The following TBC1D5 variants were observed in gnomAD, a reference collection of about 807,000 sequenced individuals.
TBC1D5 encodes the protein TBC1 domain family member 5, also known as TBC1 domain family, member 5.
A neutral mutation model predicts 100.3 loss-of-function variants in TBC1D5; 75 were observed. That is an observed-to-expected ratio of 0.75 (90% CI 0.62 to 0.91). The LOEUF (loss-of-function observed/expected upper bound fraction) is 0.91, where lower values mean the gene tolerates loss of function less well. Ranked by LOEUF, TBC1D5 falls within the 40% of genes least tolerant of loss-of-function variation. The pLI, the probability that TBC1D5 is intolerant of heterozygous loss-of-function variation, is 0.00. For synonymous variants in TBC1D5, 323 were observed against 325.6 expected (o/e 0.99, Z 0.09); for missense variants, 910 against 942.4 (o/e 0.97, Z 0.45).
intron 3 of TBC1D5, among the ~76,000 whole-genome samples, chr3:17,466,918 A>C (rs2095310232): frequency 1.3e-5 from 2 of 152,262 alleles, no homozygotes; most frequent in Admixed American, 1.3e-4. Flanking sequence ...TAAAAACAGG[A>C]TGAAAATAAT....
At chr3:17,618,907 C>T (rs1448699619) in intron 2 of TBC1D5, among the ~76,000 whole-genome samples, 3 of 152,184 alleles carry the variant, frequency 2.0e-5, no homozygotes, top group Admixed American at 2.0e-4. Flanking sequence ...ATGGGCTGCA[C>T]CCACTGTCCA....
intron 13 of TBC1D5, among the ~76,000 whole-genome samples, chr3:17,329,949 T>C (rs890313408): frequency 6.6e-6 from 1 of 152,226 alleles, no homozygotes; most frequent in African/African-American, 2.4e-5. Context: ...AACTTAAGAA[T>C]ATTAGCAGGC....
intron 8 of TBC1D5, among the ~76,000 whole-genome samples, chr3:17,399,649 A>C (rs2093597488): frequency 6.6e-6 from 1 of 152,036 alleles, no homozygotes; most frequent in Non-Finnish European, 1.5e-5. Flanking sequence ...GTATCATGCC[A>C]CTGCTCAATG....
chr3:17,575,792 A>G (rs2096654065), intron 2 of TBC1D5, among the ~76,000 whole-genome samples: 1 of 152,168 alleles, frequency 6.6e-6, no homozygotes, highest in South Asian at 2.1e-4. Flanking sequence ...AGAATGAACT[A>G]AAAGAAAATA....
chr3:17,450,169 C>T (rs1276047427), intron 3 of TBC1D5, among the ~76,000 whole-genome samples: 2 of 152,164 alleles, frequency 1.3e-5, no homozygotes, highest in Non-Finnish European at 2.9e-5. Context: ...AACTAACAAA[C>T]AGAAAGCTAT....
Position 17,459,439 on chromosome 3 carries a change from C to T in TBC1D5, c.98-30920G>A, listed in dbSNP as rs990022503. On this transcript the variant is annotated intron_variant, in intron 3 of 21. Coordinates refer to ENST00000253692, the Ensembl canonical transcript of TBC1D5. Reference sequence around the variant, plus strand: ...CTGGTAGTGATGCTCACTTGTCTGTCGCTCACCTCTGGCTGTGACCGGTTC... The same window carrying T: ...CTGGTAGTGATGCTCACTTGTCTGTTGCTCACCTCTGGCTGTGACCGGTTC... Among the ~76,000 whole-genome samples the T allele has an allele frequency of 5.3e-5, 8 of 152,226 alleles. No homozygotes were observed. In the East Asian group the frequency reaches 5.8e-4, roughly 11 times the overall value.
At chr3:17,709,955 C>T (rs2074557163) in intron 1 of TBC1D5, among the ~76,000 whole-genome samples, 1 of 152,160 alleles carries the variant, frequency 6.6e-6, no homozygotes, top group African/African-American at 2.4e-5. Flanking sequence ...GGAAAAGTAT[C>T]TGTCCTCTCG....
At chr3:17,239,403 GA>G (rs1310194160) in intron 16 of TBC1D5, among the ~76,000 whole-genome samples, 1 of 152,090 alleles carries the variant, frequency 6.6e-6, no homozygotes, top group Non-Finnish European at 1.5e-5. Flanking sequence ...CAACCATGGT[GA>G]GTATATGTAT....
chr3:17,582,853 G>T (rs969760082), intron 2 of TBC1D5, among the ~76,000 whole-genome samples: 5 of 151,782 alleles, frequency 3.3e-5, no homozygotes, highest in Non-Finnish European at 7.4e-5. Context: ...TAGATTTTGA[G>T]CAAATGAAGA....
chr3:17,297,155 T>C (rs987619153), intron 14 of TBC1D5, among the ~76,000 whole-genome samples: 3 of 152,254 alleles, frequency 2.0e-5, no homozygotes, highest in Non-Finnish European at 2.9e-5. Context: ...GACGGCATGT[T>C]AGCTCCAGGA....
At chr3:17,519,978 A>G (rs949571791) in intron 2 of TBC1D5, among the ~76,000 whole-genome samples, 2 of 152,216 alleles carry the variant, frequency 1.3e-5, no homozygotes, top group East Asian at 3.8e-4. Context: ...AATATTATAT[A>G]CTACTTGGTG....
intron 13 of TBC1D5, among the ~76,000 whole-genome samples, chr3:17,347,846 C>A (rs1056192889): frequency 3.3e-5 from 5 of 152,098 alleles, no homozygotes; most frequent in Non-Finnish European, 7.4e-5. Context: ...AAAACAACAA[C>A]AAAAAAATTA....
chr3:17,378,419 A>T (rs1362658373), intron 9 of TBC1D5, among the ~76,000 whole-genome samples: 1 of 151,888 alleles, frequency 6.6e-6, no homozygotes, highest in Non-Finnish European at 1.5e-5. Flanking sequence ...AATTTTGTCA[A>T]GTTTCACAGT....
At chr3:17,545,045 T>C (rs962236637) in intron 2 of TBC1D5, among the ~76,000 whole-genome samples, 3 of 152,204 alleles carry the variant, frequency 2.0e-5, no homozygotes, top group Non-Finnish European at 4.4e-5. Context: ...AGAGCTGTTA[T>C]GGATCAATTT....
chr3:17,301,591 A>G (rs1400790824), intron 14 of TBC1D5, among the ~76,000 whole-genome samples: 1 of 152,230 alleles, frequency 6.6e-6, no homozygotes, highest in Non-Finnish European at 1.5e-5. Flanking sequence ...CTCACAATCT[A>G]GTTGAGGAGA....
chr3:17,731,538 G>A (rs1484692807), intron 1 of TBC1D5, among the ~76,000 whole-genome samples: 2 of 149,178 alleles, frequency 1.3e-5, no homozygotes, highest in Non-Finnish European at 3.0e-5. Context: ...GGTGTCATGA[G>A]ACTGGAAATA....
At chr3:17,315,394 T>C (rs1269711150) in intron 13 of TBC1D5, among the ~76,000 whole-genome samples, 1 of 152,212 alleles carries the variant, frequency 6.6e-6, no homozygotes, top group Non-Finnish European at 1.5e-5. Context: ...AAAAGGGCAT[T>C]TGCCCACTCC....
intron 2 of TBC1D5, among the ~76,000 whole-genome samples, chr3:17,620,942 A>C (rs1353155128): frequency 6.6e-6 from 1 of 152,172 alleles, no homozygotes; most frequent in African/African-American, 2.4e-5. Context: ...ATGAGTACAA[A>C]AAGGAGGGAG....
chr3:17,728,414 A>T (rs565937380), intron 1 of TBC1D5, among the ~76,000 whole-genome samples: 1 of 152,360 alleles, frequency 6.6e-6, no homozygotes, highest in African/African-American at 2.4e-5. Context: ...CATGAAAGTA[A>T]ACATGTGAGA....
Sources: gnomAD v4.1 joint callset for allele counts (sites outside exome capture counted in the v4.1 genomes callset) on GRCh38, gnomAD v4.1.1 for gene constraint, MANE v1.5 for transcripts, NCBI Gene and HGNC (gene_info 2026-07-23, HGNC 2026-07-21) for gene names.